The following SLC8A1 variants were observed in gnomAD, a reference collection of about 807,000 sequenced individuals.
SLC8A1 encodes solute carrier family 8 member A1.
Under a neutral mutation model 68.3 loss-of-function variants are expected in SLC8A1, and 18 were observed. The observed-to-expected ratio is 0.26, with a 90% CI of 0.18 to 0.39. SLC8A1 has a LOEUF of 0.39. Ranked by LOEUF, SLC8A1 falls within the 10% of genes least tolerant of loss-of-function variation. The probability of loss-of-function intolerance (pLI) is 1.00; values close to 1 mark genes in which losing one functional copy is unlikely to be tolerated. For synonymous variants in SLC8A1, 475 were observed against 415.5 expected, an observed-to-expected ratio of 1.14 and a Z score of -1.74; for missense variants, 985 against 1,156.7, an observed-to-expected ratio of 0.85 and a Z score of 2.15.
intron 2 of SLC8A1, among the ~76,000 whole-genome samples, chr2:40,310,811 C>G (rs2073533703): frequency 6.6e-6 from 1 of 152,102 alleles, no homozygotes; most frequent in Non-Finnish European, 1.5e-5. Context: ...ACAGATGGAT[C>G]TGGTCATATG....
intron 2 of SLC8A1, among the ~76,000 whole-genome samples, chr2:40,208,792 T>C (rs1046554835): frequency 3.3e-5 from 5 of 152,106 alleles, no homozygotes; most frequent in African/African-American, 9.7e-5. Flanking sequence ...GTCCTTTTTT[T>C]CCTTCTCCTC....
chr2:40,286,897 C>T (rs138210807), intron 2 of SLC8A1, among the ~76,000 whole-genome samples: 110 of 152,260 alleles, frequency 7.2e-4, no homozygotes, highest in Middle Eastern at 6.8e-3. Context: ...CGTCCTTGCA[C>T]GTTCAAGTGA....
intron 2 of SLC8A1, among the ~76,000 whole-genome samples, chr2:40,336,883 CCA>C (rs1666142500): frequency 1.3e-5 from 2 of 152,138 alleles, no homozygotes; most frequent in Admixed American, 6.6e-5. Flanking sequence ...ACTCCCTGAG[CCA>C]CAGTTTCCTA....
chr2:40,239,568 C>T (rs1465653326), intron 2 of SLC8A1, among the ~76,000 whole-genome samples: 1 of 152,164 alleles, frequency 6.6e-6, no homozygotes, highest in East Asian at 1.9e-4. Context: ...TTCTGACTCT[C>T]CTCCTCCCAT....
At chr2:40,150,529 TGCAGCA>T (rs1196612857) in intron 6 of SLC8A1, among the ~76,000 whole-genome samples, 1 of 152,192 alleles carries the variant, frequency 6.6e-6, no homozygotes, top group Non-Finnish European at 1.5e-5. Context: ...GTATTCACAT[TGCAGCA>T]GCCCATGCCA....
At chr2:40,230,394 T>C (rs548056456) in intron 2 of SLC8A1, among the ~76,000 whole-genome samples, 1 of 152,300 alleles carries the variant, frequency 6.6e-6, no homozygotes, top group East Asian at 1.9e-4. Context: ...TCAGTGCTTC[T>C]TTATAAGCAG....
At chr2:40,366,338 A>T (rs1676189868) in intron 2 of SLC8A1, among the ~76,000 whole-genome samples, 1 of 152,128 alleles carries the variant, frequency 6.6e-6, no homozygotes, top group Non-Finnish European at 1.5e-5. Flanking sequence ...ATTGTGGTAT[A>T]TGTTAAATGA....
At chr2:40,455,092 C>T (rs190620043), upstream of SLC8A1, among the ~76,000 whole-genome samples, 74 of 152,320 alleles carry the variant, frequency 4.9e-4, no homozygotes, top group African/African-American at 1.8e-3. Flanking sequence ...GGGGACTCCA[C>T]AGGGATATCA....
intron 4 of SLC8A1, among the ~76,000 whole-genome samples, chr2:40,165,725 A>G (rs1362158082): frequency 2.6e-5 from 4 of 152,192 alleles, no homozygotes; most frequent in South Asian, 2.1e-4. Flanking sequence ...CAGAACTACC[A>G]TGTAGCTTAC....
intron 2 of SLC8A1, among the ~76,000 whole-genome samples, chr2:40,186,669 C>A (rs2050759340): frequency 6.6e-6 from 1 of 152,114 alleles, no homozygotes; most frequent in South Asian, 2.1e-4. Flanking sequence ...TTCTCGAAAT[C>A]TTGAGAGAAT....
chr2:40,330,909 T>C (rs1034690661), intron 2 of SLC8A1, among the ~76,000 whole-genome samples: 2 of 152,182 alleles, frequency 1.3e-5, no homozygotes, highest in Non-Finnish European at 2.9e-5. Context: ...TCTAATCTAA[T>C]ACAATCGAGT....
intron 2 of SLC8A1, among the ~76,000 whole-genome samples, chr2:40,291,999 C>G (rs768373300): frequency 6.6e-6 from 1 of 150,740 alleles, no homozygotes; most frequent in Non-Finnish European, 1.5e-5. Context: ...AGAGATCTAA[C>G]ATCATATTAA....
At chr2:40,152,185 G>A (rs2043561300) in intron 6 of SLC8A1, among the ~76,000 whole-genome samples, 1 of 152,102 alleles carries the variant, frequency 6.6e-6, no homozygotes, top group Admixed American at 6.6e-5. Context: ...TTTATTGGGG[G>A]CATGACATGC....
intron 1 of SLC8A1, among the ~76,000 whole-genome samples, chr2:40,501,848 A>G (rs376158539): frequency 3.3e-5 from 5 of 152,196 alleles, no homozygotes; most frequent in African/African-American, 1.2e-4. Flanking sequence ...CTGTGGATGC[A>G]GAGTGTCCCA....
In SLC8A1 at chr2:40,337,363, G is replaced by A. The variant is rs893361834; in HGVS notation, c.1808+91110C>T. The A allele has an allele frequency of 7.9e-5, 26 of 328,558 alleles. No individual in the cohort carries two copies. The Middle Eastern group carries it at 4.3e-3, about 55-fold the overall frequency. The allele number at this position is 328,558 out of a possible 1,614,324, so 20.4% of individuals were successfully genotyped here. On this transcript the variant is annotated intron_variant, in intron 2 of 7. Coordinates refer to ENST00000406785, the Ensembl canonical transcript of SLC8A1. Reference sequence around the variant, plus strand: ...TACTACTACTCAAGACAGCTCAGTCGTACAGAGTAGTTTTATTTTCTCACC... The same window carrying A: ...TACTACTACTCAAGACAGCTCAGTCATACAGAGTAGTTTTATTTTCTCACC...
chr2:40,213,667 C>G (rs566565809), intron 2 of SLC8A1, among the ~76,000 whole-genome samples: 1 of 152,100 alleles, frequency 6.6e-6, no homozygotes. Flanking sequence ...TTTTTTCCCC[C>G]GTCATCTCAA....
At position 40,317,471 on chromosome 2, in the gene SLC8A1, G is replaced by C. The variant is rs139736114; in HGVS notation, c.1808+111002C>G. ...AAAAAGCTTAAAGCAAGTTTTATTAGAGAAAACTTGCAACAACTCTACACA... is the reference window on the plus strand; with the variant it reads ...AAAAAGCTTAAAGCAAGTTTTATTACAGAAAACTTGCAACAACTCTACACA... On this transcript the variant is annotated intron_variant, in intron 2 of 7. Transcript: ENST00000406785. Among the ~76,000 whole-genome samples, 646 of 152,150 alleles carry C rather than the reference G, an allele frequency of 4.2e-3. 5 individuals carry two copies. The highest frequency in any genetic ancestry group is 0.015 in the African/African-American group (610 of 41,550).
intron 2 of SLC8A1, among the ~76,000 whole-genome samples, chr2:40,299,557 C>T (rs2071042732): frequency 6.6e-6 from 1 of 152,080 alleles, no homozygotes; most frequent in South Asian, 2.1e-4. Context: ...ATTGCTGGCT[C>T]AATTCTCAGG....
At chr2:40,360,121 G>C (rs1178166045) in intron 2 of SLC8A1, among the ~76,000 whole-genome samples, 2 of 152,102 alleles carry the variant, frequency 1.3e-5, no homozygotes, top group Non-Finnish European at 2.9e-5. Flanking sequence ...CCCCATTTTA[G>C]AGGTAAGTAA....
Sources: gnomAD v4.1 joint callset for allele counts (sites outside exome capture counted in the v4.1 genomes callset) on GRCh38, gnomAD v4.1.1 for gene constraint, MANE v1.5 for transcripts, NCBI Gene and HGNC (gene_info 2026-07-23, HGNC 2026-07-21) for gene names.